The following EPS15L1 variants were observed in gnomAD, a reference collection of about 807,000 sequenced individuals.
The protein encoded by EPS15L1 is epidermal growth factor receptor substrate 15-like 1.
In EPS15L1, 43 loss-of-function variants were observed where a neutral mutation model predicts 117.1. That is an observed-to-expected ratio of 0.37 (90% CI 0.29 to 0.47). EPS15L1 has a LOEUF of 0.47. Among genes scored for constraint, EPS15L1 ranks in the 20% least tolerant of loss-of-function variants. The pLI, the probability that EPS15L1 is intolerant of heterozygous loss-of-function variation, is 0.99. For missense variants in EPS15L1, 981 were observed against 1,164.0 expected (o/e 0.84, Z 2.29); for synonymous variants, 459 against 470.5 (o/e 0.98, Z 0.32).
rs1034975598 is a variant in EPS15L1 at position 16,361,870 on chromosome 19, C to T, written c.2495G>A (p.Gly832Glu). 7 of 1,614,092 alleles carry T rather than the reference C, an allele frequency of 4.3e-6. No individual in the cohort carries two copies. The highest frequency in any genetic ancestry group is 5.9e-6 in the Non-Finnish European group (7 of 1,180,012). Reference protein sequence around the residue: ...GDPFQSKKGFGDPFSGKDPFV... With the variant: ...GDPFQSKKGFEDPFSGKDPFV... ...TGGGTCTTTTCCACTAAACGGGTCCCCAAACCCCTTTTTACTTTGGAACGG... is the reference window on the plus strand; with the variant it reads ...TGGGTCTTTTCCACTAAACGGGTCCTCAAACCCCTTTTTACTTTGGAACGG... The change falls in exon 23 of 24, where the codon GGG (glycine) becomes GAG (glutamate). Residue 832 changes from glycine (G) to glutamate (E), a missense_variant. Around this residue, in one of 5 missense-constraint regions of EPS15L1, gnomAD observed 819 missense variants for 949.0 expected, o/e 0.86. Coordinates refer to ENST00000455140, the MANE Select transcript of EPS15L1 (RefSeq NM_001258374.3).
At chr19:16,390,120 C>T (rs748632112) in intron 19 of EPS15L1, among the ~76,000 whole-genome samples, 1 of 151,772 alleles carries the variant, frequency 6.6e-6, no homozygotes, top group Non-Finnish European at 1.5e-5. Context: ...CAACACTATG[C>T]TACTTACAAA....
intron 22 of EPS15L1, among the ~76,000 whole-genome samples, chr19:16,375,946 C>T (rs1216653927): frequency 6.6e-6 from 1 of 152,192 alleles, no homozygotes; most frequent in Non-Finnish European, 1.5e-5. Flanking sequence ...GAGGGTCACT[C>T]GTAACTAGTG....
At position 16,403,723 on chromosome 19, in the gene EPS15L1, C is replaced by T. The variant is rs770476552; in HGVS notation, c.1626+10G>A. ...CTGGCATGTGGCAGGGACCCGACTC[C>T]GTGAAGTACCTGGTTGATTTCGTCT... is the stretch of plus-strand genomic sequence containing the variant. On this transcript the variant is annotated intron_variant, in intron 15 of 23. Coordinates refer to ENST00000455140, the MANE Select transcript of EPS15L1 (RefSeq NM_001258374.3). 5 of 1,610,376 alleles carry T rather than the reference C, an allele frequency of 3.1e-6. No homozygotes were observed. Among genetic ancestry groups the T allele is most frequent in the East Asian group, 2.2e-5 (1 of 44,878 alleles).
intron 1 of EPS15L1, among the ~76,000 whole-genome samples, chr19:16,465,099 C>A (rs895128836): frequency 4.6e-5 from 7 of 151,156 alleles, no homozygotes; most frequent in African/African-American, 1.7e-4. Flanking sequence ...AAAAAATTCA[C>A]AAGAAAACCT....
At chr19:16,398,976 T>C (rs1195723978) in intron 16 of EPS15L1, among the ~76,000 whole-genome samples, 4 of 151,956 alleles carry the variant, frequency 2.6e-5, no homozygotes, top group Admixed American at 6.6e-5. Context: ...TAGTTTTTAA[T>C]TGGCATTTAT....
intron 1 of EPS15L1, among the ~76,000 whole-genome samples, chr19:16,462,034 G>A (rs77031434): frequency 0.12 from 17,740 of 152,192 alleles, 1,110 homozygotes; most frequent in African/African-American, 0.13. Context: ...AGAGCTCCTC[G>A]ACCCTCCCGG....
chr19:16,429,795 C>T (rs1166762524), intron 7 of EPS15L1, among the ~76,000 whole-genome samples: 2 of 152,220 alleles, frequency 1.3e-5, no homozygotes, highest in Non-Finnish European at 2.9e-5. Context: ...CCTACTTTAC[C>T]AGGGATCCAG....
chr19:16,464,939 T>G (rs942437683), intron 1 of EPS15L1, among the ~76,000 whole-genome samples: 1 of 151,732 alleles, frequency 6.6e-6, no homozygotes, highest in Non-Finnish European at 1.5e-5. Context: ...ATTAGCCAGG[T>G]GTGGTGGCGG....
chr19:16,470,213 C>T (rs112260974), intron 1 of EPS15L1, among the ~76,000 whole-genome samples: 3,696 of 151,350 alleles, frequency 0.024, 47 homozygotes, highest in Middle Eastern at 0.038. Context: ...GAAACCCCGT[C>T]TCCACTAAAA....
intron 9 of EPS15L1, among the ~76,000 whole-genome samples, chr19:16,423,225 T>C (rs1054871143): frequency 1.3e-5 from 2 of 152,152 alleles, no homozygotes; most frequent in African/African-American, 4.8e-5. Flanking sequence ...ACGTAGCAAG[T>C]ATGTGTGATG....
At chr19:16,419,248 C>A (rs1020687278) in intron 10 of EPS15L1, among the ~76,000 whole-genome samples, 1 of 152,190 alleles carries the variant, frequency 6.6e-6, no homozygotes. Context: ...CACCTGAGGT[C>A]AGGAGTTCGA....
In EPS15L1 at chr19:16,381,168, G is replaced by A. The variant is rs1381431411; in HGVS notation, c.2248-3914C>T. 6.6e-6 allele frequency among the ~76,000 whole-genome samples: 1 copy of A among 152,248 alleles called. No individual in the cohort carries two copies. The highest frequency in any genetic ancestry group is 1.9e-4 in the East Asian group (1 of 5,204). On this transcript the variant is annotated intron_variant, in intron 21 of 23. Transcript: ENST00000455140. This position sits in a 1 kb window ranked among gnomAD's most constrained non-coding sequence, Gnocchi z 4.2. Reference sequence around the variant, plus strand: ...CCCAGGCAGGAGACACTCGCTCTGTGCTGATCTTCTCACCTAATAATAGGC... The same window carrying A: ...CCCAGGCAGGAGACACTCGCTCTGTACTGATCTTCTCACCTAATAATAGGC...
intron 22 of EPS15L1, among the ~76,000 whole-genome samples, chr19:16,362,441 C>T (rs535359526): frequency 2.1e-5 from 3 of 146,314 alleles, no homozygotes; most frequent in Admixed American, 1.4e-4. Flanking sequence ...AGTTTCACAA[C>T]GTGGTATGGT....
intron 1 of EPS15L1, among the ~76,000 whole-genome samples, chr19:16,466,897 C>T (rs2093309743): frequency 6.8e-6 from 1 of 146,816 alleles, no homozygotes; most frequent in Admixed American, 6.8e-5. Flanking sequence ...GAGTGAAACT[C>T]TGTCTCAAAA....
At chr19:16,402,556 T>C (rs1032437811) in intron 15 of EPS15L1, 71 bp from the exon 16 acceptor site, 3 of 1,417,608 alleles carry the variant, frequency 2.1e-6, no homozygotes, top group Non-Finnish European at 2.9e-6. Flanking sequence ...CTTTTTTTTT[T>C]TAAAACACAG....
intron 23 of EPS15L1, chr19:16,356,637 G>C (rs140338228): frequency 3.7e-4 from 57 of 152,300 alleles, no homozygotes; most frequent in African/African-American, 1.4e-3. Context: ...CCAGAACACT[G>C]ACAAAAGGTG....
At chr19:16,407,053 A>C (rs1599594512) in intron 13 of EPS15L1, among the ~76,000 whole-genome samples, 2 of 152,180 alleles carry the variant, frequency 1.3e-5, no homozygotes, top group Admixed American at 1.3e-4. Flanking sequence ...AGGCCCCTTG[A>C]TCTTGGACTT....
rs569156766 is a variant in EPS15L1 at position 16,429,569 on chromosome 19, C to A, written c.499-808G>T. Among the ~76,000 whole-genome samples the A allele has an allele frequency of 2.0e-5, 3 of 152,290 alleles. No individual in the cohort carries two copies. In the South Asian group the frequency reaches 6.2e-4, roughly 32 times the overall value. On this transcript the variant is annotated intron_variant, in intron 7 of 23. Transcript: ENST00000455140. The stretch of plus-strand genomic sequence containing the variant: ...GCTGCGCCCGAGGCTCAGGCCTCAC[C>A]AGCCCACACAGCCAAGAGCCTCCAG...
chr19:16,404,011 C>G lies in EPS15L1; in HGVS notation c.1429-81G>C. 1 of 1,342,620 alleles carries G rather than the reference C, an allele frequency of 7.4e-7. No individual in the cohort carries two copies. Among genetic ancestry groups the G allele is most frequent in the Non-Finnish European group, 1.0e-6 (1 of 967,004 alleles). The allele number at this position is 1,342,620 out of a possible 1,614,324, so 83.2% of individuals were successfully genotyped here. Reference sequence around the variant, plus strand: ...ACTCCGAGAAAGAACTCTTAGCCCCCATCCCCGAAACAAGCTAAGCCAGGG... The same window carrying G: ...ACTCCGAGAAAGAACTCTTAGCCCCGATCCCCGAAACAAGCTAAGCCAGGG... On this transcript the variant is annotated intron_variant, in intron 14 of 23. Transcript: ENST00000455140. The surrounding 1 kb of genome is among the most constrained non-coding windows in gnomAD (Gnocchi z 4.2).
Sources: allele counts gnomAD v4.1 joint callset (sites outside exome capture counted in the v4.1 genomes callset), GRCh38; gene constraint gnomAD v4.1.1; regional missense constraint gnomAD v4.1.1; non-coding constraint Gnocchi (gnomAD v3.1); transcripts MANE v1.5; gene names NCBI Gene and HGNC (gene_info 2026-07-23, HGNC 2026-07-21).